TSPAN7: variants seen among roughly 807,000 people sequenced by gnomAD.
The protein encoded by TSPAN7 is tetraspanin-7.
A neutral mutation model predicts 17.6 loss-of-function variants in TSPAN7; 1 was observed. The ratio of observed to expected loss-of-function variants is 0.06; its 90% CI spans 0.02 to 0.27. The LOEUF is 0.27. Ranked by LOEUF, TSPAN7 falls within the 10% of genes least tolerant of loss-of-function variation. The pLI, the probability that TSPAN7 is intolerant of heterozygous loss-of-function variation, is 1.00. For missense variants in TSPAN7, 112 were observed against 201.7 expected (o/e 0.56, Z 2.69); for synonymous variants, 78 against 79.0 (o/e 0.99, Z 0.07).
chrX:38,686,959 A>G (rs2069930596), intron 6 of TSPAN7, among the ~76,000 whole-genome samples: 1 of 110,552 alleles, frequency 9.0e-6, no homozygotes, highest in African/African-American at 3.3e-5. Context: ...ACTTAGGCCT[A>G]AGATATCTAC....
rs2069877878 is a variant in TSPAN7 at position 38,679,820 on chromosome X, C to A, written c.598-1384C>A. Among the ~76,000 whole-genome samples, 3 of 111,498 alleles carry A rather than the reference C, an allele frequency of 2.7e-5. No homozygotes were observed. In the South Asian group the frequency reaches 1.1e-3, roughly 43 times the overall value. On this transcript the variant is annotated intron_variant, in intron 5 of 7. Coordinates refer to ENST00000378482, the MANE Select transcript of TSPAN7 (RefSeq NM_004615.4). ...TCAGTAAGCTTCTACTATGGGGAAT[C>A]AAATTTCAAAACTCCCCATGAGTGA...
chrX:38,563,889 C>T (rs1205297618), intron 1 of TSPAN7, among the ~76,000 whole-genome samples: 1 of 111,654 alleles, frequency 9.0e-6, no homozygotes, highest in Non-Finnish European at 1.9e-5. Flanking sequence ...TTAAACAAGA[C>T]GTTATTTTTA....
chrX:38,686,486 T>G (rs760738603), intron 6 of TSPAN7, among the ~76,000 whole-genome samples: 2 of 111,901 alleles, frequency 1.8e-5, no homozygotes, highest in East Asian at 5.6e-4. Flanking sequence ...CCAGCATATC[T>G]GATTCAGCAG....
At chrX:38,564,511 G>A (rs2069131702) in intron 1 of TSPAN7, among the ~76,000 whole-genome samples, 1 of 112,112 alleles carries the variant, frequency 8.9e-6, no homozygotes, top group Non-Finnish European at 1.9e-5. Flanking sequence ...CCTGGGAGTT[G>A]AATTGCTAGG....
Position 38,635,584 on chromosome X carries a change from G to A in TSPAN7, c.82-30537G>A, listed in dbSNP as rs763533590. ...TTTTGTTCTTAGAAACATCCTTGCC[G>A]GAAAGAGAGGAAAAGTAAATTCTGG... On this transcript the variant is annotated intron_variant, in intron 1 of 7. Coordinates refer to ENST00000378482, the MANE Select transcript of TSPAN7 (RefSeq NM_004615.4). Among the ~76,000 whole-genome samples, 122 of 111,858 alleles carry A rather than the reference G, an allele frequency of 1.1e-3. 1 individual carries two copies. The highest frequency in any genetic ancestry group is 1.8e-3 in the Admixed American group (19 of 10,583).
At chrX:38,579,779 C>A (rs2069218422) in intron 1 of TSPAN7, among the ~76,000 whole-genome samples, 1 of 110,666 alleles carries the variant, frequency 9.0e-6, no homozygotes, top group Non-Finnish European at 1.9e-5. Context: ...TACTACTACA[C>A]CTACTAGATA....
chrX:38,643,498 A>G (rs1435181618), intron 1 of TSPAN7, among the ~76,000 whole-genome samples: 1 of 109,992 alleles, frequency 9.1e-6, no homozygotes, highest in Non-Finnish European at 1.9e-5. Flanking sequence ...GAAAAAGATC[A>G]GTTCCAAAGG....
intron 1 of TSPAN7, among the ~76,000 whole-genome samples, chrX:38,664,507 A>G (rs990979546): frequency 5.4e-5 from 6 of 111,976 alleles, no homozygotes; most frequent in African/African-American, 1.9e-4. Context: ...CAGAGGACTT[A>G]GAACTCTTGG....
intron 1 of TSPAN7, among the ~76,000 whole-genome samples, chrX:38,589,581 C>A (rs1415398478): frequency 8.9e-6 from 1 of 111,934 alleles, no homozygotes; most frequent in Non-Finnish European, 1.9e-5. Context: ...ATGTGAATCA[C>A]AACACACTCT....
intron 1 of TSPAN7, among the ~76,000 whole-genome samples, chrX:38,628,470 C>T (rs1167047204): frequency 9.0e-6 from 1 of 111,723 alleles, no homozygotes; most frequent in Admixed American, 9.4e-5. Flanking sequence ...CTTACCGGTG[C>T]ATAGTGGGCA....
chrX:38,561,674 C>T (rs1278675330), intron 1 of TSPAN7, 47 bp downstream of exon 1: 1 of 1,070,368 alleles, frequency 9.3e-7, no homozygotes, highest in Non-Finnish European at 1.3e-6. Context: ...TCCATCGGTC[C>T]GTATGATGAT....
At chrX:38,651,001 CAA>C (rs1470787311) in intron 1 of TSPAN7, among the ~76,000 whole-genome samples, 1 of 107,947 alleles carries the variant, frequency 9.3e-6, no homozygotes, top group African/African-American at 3.4e-5. Context: ...GAGCTATTTG[CAA>C]ACAAAGCACT....
intron 1 of TSPAN7, among the ~76,000 whole-genome samples, chrX:38,569,573 T>G (rs1228341552): frequency 9.0e-6 from 1 of 111,272 alleles, no homozygotes; most frequent in African/African-American, 3.3e-5. Flanking sequence ...CTTTCCTCCC[T>G]ACTTCCAGGT....
At chrX:38,681,094 G>T (rs1211745563) in intron 5 of TSPAN7, 110 bp from the exon 6 acceptor site, 2 of 601,815 alleles carry the variant, frequency 3.3e-6, no homozygotes, top group Admixed American at 4.6e-5. Flanking sequence ...AGTTGCAATT[G>T]TATTTGCTGA....
intron 1 of TSPAN7, among the ~76,000 whole-genome samples, chrX:38,581,795 G>C (rs2069228747): frequency 8.9e-6 from 1 of 112,585 alleles, no homozygotes; most frequent in Non-Finnish European, 1.9e-5. Context: ...GTGAAATATA[G>C]TAAGAATGTG....
intron 1 of TSPAN7, among the ~76,000 whole-genome samples, chrX:38,574,729 C>T (rs1176185706): frequency 8.2e-5 from 9 of 110,417 alleles, no homozygotes; most frequent in Non-Finnish European, 1.5e-4. Context: ...GTATTGTTTA[C>T]GTAGAAGAAA....
chrX:38,569,781 C>T (rs1236792499), intron 1 of TSPAN7, among the ~76,000 whole-genome samples: 4 of 111,069 alleles, frequency 3.6e-5, no homozygotes, highest in African/African-American at 1.3e-4. Context: ...GGGAGATAGC[C>T]AGGGTAAATG....
At chrX:38,661,628 G>C (rs1004884213) in intron 1 of TSPAN7, among the ~76,000 whole-genome samples, 1 of 111,640 alleles carries the variant, frequency 9.0e-6, no homozygotes, top group African/African-American at 3.3e-5. Flanking sequence ...GTTTATCCAC[G>C]GTCTCCTATC....
intron 1 of TSPAN7, among the ~76,000 whole-genome samples, chrX:38,597,672 T>C (rs1378713059): frequency 1.8e-5 from 2 of 111,567 alleles, no homozygotes; most frequent in East Asian, 5.6e-4. Flanking sequence ...CTAGGAGCAA[T>C]GGTTCAGTAT....
Sources: allele counts gnomAD v4.1 joint callset (sites outside exome capture counted in the v4.1 genomes callset), GRCh38; gene constraint gnomAD v4.1.1; transcripts MANE v1.5; gene names NCBI Gene and HGNC (gene_info 2026-07-23, HGNC 2026-07-21).